Variants in ELMO1 observed in about 807,000 individuals in gnomAD.
ELMO1 encodes engulfment and cell motility 1.
In ELMO1, 26 loss-of-function variants were observed where a neutral mutation model predicts 98.9. The ratio of observed to expected loss-of-function variants is 0.26; its 90% CI spans 0.19 to 0.36. ELMO1 has a LOEUF of 0.36. ELMO1 is among the 10% of genes least tolerant of loss of function. ELMO1 has a pLI of 1.00. For missense variants in ELMO1, 627 were observed against 935.2 expected (o/e 0.67, Z 4.30); for synonymous variants, 346 against 346.0 (o/e 1.00, Z 0.00).
At chr7:37,103,160 A>G (rs1214918953) in intron 14 of ELMO1, among the ~76,000 whole-genome samples, 1 of 152,210 alleles carries the variant, frequency 6.6e-6, no homozygotes, top group Non-Finnish European at 1.5e-5. Context: ...TACTATCACC[A>G]TAATAATTAC....
At chr7:37,273,390 C>T (rs1234898623) in intron 4 of ELMO1, among the ~76,000 whole-genome samples, 3 of 152,170 alleles carry the variant, frequency 2.0e-5, no homozygotes, top group African/African-American at 7.2e-5. Flanking sequence ...GCTCTTTCCC[C>T]TTTGCTTCTT....
At chr7:37,244,307 A>G in intron 7 of ELMO1, 49 bp downstream of exon 7, 1 of 1,592,860 alleles carries the variant, frequency 6.3e-7, no homozygotes, top group Non-Finnish European at 8.6e-7. Flanking sequence ...ATTATGCAGG[A>G]AAGTAGGAAG....
Position 36,853,745 on chromosome 7 carries a change from T to C in ELMO1, c.*1806A>G, listed in dbSNP as rs1037750376. On this transcript the variant is annotated 3_prime_UTR_variant, in exon 22 of 22. Coordinates refer to ENST00000310758, the MANE Select transcript of ELMO1 (RefSeq NM_014800.11). ...ACCTGGATGCTTCCACAGCTTGTGCTGTGAGGCCAGAGTGGCTGGTGCTGT... is the reference window on the plus strand; with the variant it reads ...ACCTGGATGCTTCCACAGCTTGTGCCGTGAGGCCAGAGTGGCTGGTGCTGT... Among the ~76,000 whole-genome samples, 3 of 152,338 alleles carry C rather than the reference T, an allele frequency of 2.0e-5. No individual in the cohort carries two copies. Among genetic ancestry groups the C allele is most frequent in the African/African-American group, 7.2e-5 (3 of 41,598 alleles).
At chr7:37,321,729 A>AAAAAAAAAAAAAC (rs1306951906) in intron 2 of ELMO1, among the ~76,000 whole-genome samples, 3 of 150,170 alleles carry the variant, frequency 2.0e-5, no homozygotes, top group African/African-American at 7.4e-5. Flanking sequence ...AAAAAAAAAA[A>AAAAAAAAAAAAAC]AAAAAAAAAC....
At chr7:37,266,625 T>A (rs539996262) in intron 5 of ELMO1, among the ~76,000 whole-genome samples, 1 of 152,322 alleles carries the variant, frequency 6.6e-6, no homozygotes, top group African/African-American at 2.4e-5. Flanking sequence ...CATAGGGCAT[T>A]ATGATTCACC....
intron 13 of ELMO1, among the ~76,000 whole-genome samples, chr7:37,153,884 T>C (rs1788537970): frequency 6.6e-6 from 1 of 152,092 alleles, no homozygotes; most frequent in Admixed American, 6.5e-5. Context: ...GTAGCCTGAC[T>C]AGAAGACACC....
chr7:37,229,702 G>A (rs558658383), intron 8 of ELMO1, among the ~76,000 whole-genome samples: 237 of 152,240 alleles, frequency 1.6e-3, no homozygotes, highest in Middle Eastern at 6.8e-3. Context: ...GAATAAAAAA[G>A]TTAACCTTAC....
rs138531613 is a variant in ELMO1 at position 37,314,995 on chromosome 7, G to C, written c.120-73C>G. 2.9e-5 allele frequency: 39 copies of C among 1,349,976 alleles called. No homozygotes were observed. The African/African-American group carries it at 5.1e-4, about 17-fold the overall frequency. The allele number at this position is 1,349,976 out of a possible 1,614,324, so 83.6% of individuals were successfully genotyped here. On this transcript the variant is annotated intron_variant, in intron 3 of 21. Coordinates refer to ENST00000310758, the MANE Select transcript of ELMO1 (RefSeq NM_014800.11). The stretch of plus-strand genomic sequence containing the variant: ...TTCATTTTTACAATTTTTTAGTGTT[G>C]GATGAACTAAGCACCCTGTGATTGG...
At chr7:36,969,085 T>C (rs927478557) in intron 16 of ELMO1, among the ~76,000 whole-genome samples, 5 of 152,142 alleles carry the variant, frequency 3.3e-5, no homozygotes, top group African/African-American at 1.2e-4. Flanking sequence ...GTTGCATGGA[T>C]ACTGAAAAAT....
At chr7:37,022,472 A>G (rs1794326711) in intron 15 of ELMO1, among the ~76,000 whole-genome samples, 1 of 152,238 alleles carries the variant, frequency 6.6e-6, no homozygotes, top group Non-Finnish European at 1.5e-5. Context: ...TGAACACATG[A>G]AAAGGAGCTA....
intron 13 of ELMO1, among the ~76,000 whole-genome samples, chr7:37,180,694 C>G (rs1225930605): frequency 6.6e-6 from 1 of 152,016 alleles, no homozygotes; most frequent in Non-Finnish European, 1.5e-5. Context: ...CAAATACGTA[C>G]CTACTAAGTA....
At chr7:36,969,385 T>C (rs1789720528) in intron 16 of ELMO1, among the ~76,000 whole-genome samples, 2 of 152,240 alleles carry the variant, frequency 1.3e-5, no homozygotes, top group African/African-American at 2.4e-5. Context: ...CTTGCATTTC[T>C]AGCTTTTTCT....
intron 6 of ELMO1, among the ~76,000 whole-genome samples, chr7:37,256,814 G>A (rs1239768469): frequency 6.7e-6 from 1 of 148,874 alleles, no homozygotes; most frequent in Non-Finnish European, 1.5e-5. Flanking sequence ...GGAGAGGAAG[G>A]GGACAGAAGG....
intron 1 of ELMO1, among the ~76,000 whole-genome samples, chr7:37,432,061 A>G (rs771088131): frequency 2.6e-5 from 4 of 152,096 alleles, no homozygotes; most frequent in Non-Finnish European, 5.9e-5. Flanking sequence ...TTGTATTTTT[A>G]GTAGAGAAGG....
intron 16 of ELMO1, chr7:36,985,140 A>T (rs1334740500): frequency 3.1e-6 from 3 of 983,326 alleles, no homozygotes; most frequent in Non-Finnish European, 2.4e-6. Context: ...AGTGTCAGAA[A>T]ATTAAACCCC....
intron 16 of ELMO1, among the ~76,000 whole-genome samples, chr7:36,897,726 G>A (rs1309678625): frequency 6.6e-6 from 1 of 152,148 alleles, no homozygotes; most frequent in African/African-American, 2.4e-5. Context: ...TTATAGATTA[G>A]GCTTAAAATC....
intron 13 of ELMO1, among the ~76,000 whole-genome samples, chr7:37,206,954 G>A (rs991372488): frequency 5.9e-5 from 9 of 152,000 alleles, no homozygotes; most frequent in Admixed American, 5.9e-4. Flanking sequence ...TCAGAAAGAT[G>A]AACTACAGAC....
intron 16 of ELMO1, among the ~76,000 whole-genome samples, chr7:36,991,284 A>C (rs533097383): frequency 6.6e-6 from 1 of 152,174 alleles, no homozygotes; most frequent in Non-Finnish European, 1.5e-5. Context: ...GCCCACACAC[A>C]TAAAACACAC....
At chr7:37,199,252 T>C (rs969376547) in intron 13 of ELMO1, among the ~76,000 whole-genome samples, 1 of 152,240 alleles carries the variant, frequency 6.6e-6, no homozygotes, top group African/African-American at 2.4e-5. Flanking sequence ...GAAGGTCAAG[T>C]ATTATCATGG....
Sources: gnomAD v4.1 joint callset for allele counts (sites outside exome capture counted in the v4.1 genomes callset) on GRCh38, gnomAD v4.1.1 for gene constraint, MANE v1.5 for transcripts, NCBI Gene and HGNC (gene_info 2026-07-23, HGNC 2026-07-21) for gene names.